The following CDHR3 variants were observed in gnomAD, a reference collection of about 807,000 sequenced individuals.
CDHR3 encodes the protein cadherin related family member 3, also known as cadherin-related family member 3.
A neutral mutation model predicts 86.6 loss-of-function variants in CDHR3; 79 were observed. The ratio of observed to expected loss-of-function variants is 0.91; its 90% CI spans 0.76 to 1.10. The LOEUF is 1.10. CDHR3 is among the 50% of genes least tolerant of loss of function. The pLI is 0.00. For missense variants in CDHR3, 1,081 were observed against 1,077.6 expected (o/e 1.00, Z -0.04); for synonymous variants, 421 against 402.4 (o/e 1.05, Z -0.55).
At chr7:105,990,436 G>T (rs1831185992) in intron 4 of CDHR3, among the ~76,000 whole-genome samples, 2 of 152,122 alleles carry the variant, frequency 1.3e-5, no homozygotes, top group Admixed American at 1.3e-4. Flanking sequence ...CTGAGACGAG[G>T]GTGGAATAGG....
At chr7:105,998,059 G>T (rs1832542052) in intron 6 of CDHR3, among the ~76,000 whole-genome samples, 1 of 152,086 alleles carries the variant, frequency 6.6e-6, no homozygotes, top group Admixed American at 6.5e-5. Flanking sequence ...GGCTGCCCAG[G>T]CTTGGCTCAG....
At chr7:105,987,515 T>G (rs1029713364) in intron 4 of CDHR3, among the ~76,000 whole-genome samples, 13 of 152,188 alleles carry the variant, frequency 8.5e-5, no homozygotes, top group Non-Finnish European at 1.6e-4. Context: ...TAGAAGCAAA[T>G]GACATCGTTA....
chr7:106,023,394 G>A (rs1334306285), intron 14 of CDHR3, among the ~76,000 whole-genome samples: 1 of 152,220 alleles, frequency 6.6e-6, no homozygotes, highest in Non-Finnish European at 1.5e-5. Flanking sequence ...CTGTGGGAAA[G>A]GGTAGGAAGA....
chr7:106,004,534 G>C lies in CDHR3; in HGVS notation c.899G>C (p.Arg300Pro). 1 of 1,613,988 alleles carries C rather than the reference G, an allele frequency of 6.2e-7. No individual in the cohort carries two copies. Among genetic ancestry groups the C allele is most frequent in the Non-Finnish European group, 8.5e-7 (1 of 1,179,866 alleles). Residue 300 changes from arginine (R) to proline (P), a missense_variant, in exon 8 of 19, where the codon CGA (arginine) becomes CCA (proline). By Grantham distance (103) the Arg-to-Pro change is moderately radical (BLOSUM62 -2). Coordinates refer to ENST00000317716, the MANE Select transcript of CDHR3 (RefSeq NM_152750.5). Reference protein sequence around the residue: ...GTIQVAQRIDRDAGELRQNPT... With the variant: ...GTIQVAQRIDPDAGELRQNPT... Reference sequence around the variant, plus strand: ...ATCCAAGTGGCCCAAAGGATAGACCGAGATGCAGGTGAATTGAGACAAAAT... The same window carrying C: ...ATCCAAGTGGCCCAAAGGATAGACCCAGATGCAGGTGAATTGAGACAAAAT...
rs1203932090 is a variant in CDHR3, at chr7:105,974,844, G to C, written c.47G>C (p.Gly16Ala). 4.3e-6 allele frequency: 7 copies of C among 1,612,652 alleles called. No homozygotes were observed. The East Asian group carries it at 6.7e-5, about 15-fold the overall frequency. Residue 16 changes from glycine to alanine, a missense_variant and splice_region_variant, in exon 2 of 19, where the codon GGG (glycine) becomes GCG (alanine). Physicochemically the swap from Gly to Ala is moderately conservative, Grantham distance 60 (BLOSUM62 0). Transcript: ENST00000317716. ...ATCCTGCACCCTTTTTACTCCACAG[G>C]GGGAGAAGCACTACACCTAATCCTC... Reference protein sequence around the residue: ...ILLALLGAMSGGEALHLILLP... With the variant: ...ILLALLGAMSAGEALHLILLP...
chr7:106,027,851 A>T (rs1475097284), intron 16 of CDHR3, among the ~76,000 whole-genome samples: 1 of 152,086 alleles, frequency 6.6e-6, no homozygotes, highest in Non-Finnish European at 1.5e-5. Context: ...GGGGCTGGGC[A>T]TGGTGGCTCA....
chr7:106,012,996 T>G lies in CDHR3; in HGVS notation c.1189T>G (p.Phe397Val), dbSNP rs1225109526. ...MPSGVGSGSR[F>V]LQDPAGSGKI... ...ATCTGGAGTGGGGAGCGGCAGCAGA[T>G]TTTTACAGGATCCAGCTGGCTCTGG... The change falls in exon 9 of 19, where the codon TTT becomes GTT. Residue 397 changes from phenylalanine to valine, a missense_variant. Transcript: ENST00000317716. 6.2e-7 allele frequency: 1 copy of G among 1,611,740 alleles called. No individual in the cohort carries two copies. Among genetic ancestry groups the G allele is most frequent in the East Asian group, 2.2e-5 (1 of 44,800 alleles).
At chr7:105,980,905 GTGCA>G in intron 2 of CDHR3, 59 bp from the exon 3 acceptor site, 1 of 1,445,772 alleles carries the variant, frequency 6.9e-7, no homozygotes, top group Non-Finnish European at 9.5e-7. Context: ...CCTTTGCAAA[GTGCA>G]TGCATGCAAA....
rs1470975162 is a variant in CDHR3, at chr7:105,975,033, G to A, written c.236G>A (p.Gly79Asp). The stretch of plus-strand genomic sequence containing the variant: ...GCTTTTAGGGTGAATTGGCTGTCAG[G>A]CACCTACTTTGAGGTAAGTAACAAC... Reference protein sequence around the residue: ...TEAFRVNWLSGTYFEVVTTGM... With the variant: ...TEAFRVNWLSDTYFEVVTTGM... The change falls in exon 2 of 19, where the codon GGC becomes GAC. Residue 79 changes from glycine to aspartate, a missense_variant. Coordinates refer to ENST00000317716, the MANE Select transcript of CDHR3 (RefSeq NM_152750.5). The A allele has an allele frequency of 6.2e-7, 1 of 1,613,672 alleles. No individual in the cohort carries two copies. Among genetic ancestry groups the A allele is most frequent in the Non-Finnish European group, 8.5e-7 (1 of 1,179,616 alleles).
intron 8 of CDHR3, among the ~76,000 whole-genome samples, chr7:106,011,678 G>A (rs1331908029): frequency 6.6e-6 from 1 of 152,244 alleles, no homozygotes; most frequent in Admixed American, 6.5e-5. Context: ...TATCATTTAT[G>A]TCCATTTTAT....
Position 105,969,535 on chromosome 7 carries a change from C to T in CDHR3, c.47-5309C>T, listed in dbSNP as rs565139527. On this transcript the variant is annotated intron_variant, in intron 1 of 18. Coordinates refer to ENST00000317716, the MANE Select transcript of CDHR3 (RefSeq NM_152750.5). ...ATTTGCACCTGGTCTCAACGAGGAC[C>T]TTCTGTGGGTTCTGCCGTTGAGGCC... Among the ~76,000 whole-genome samples the T allele has an allele frequency of 2.6e-5, 4 of 152,278 alleles. No individual in the cohort carries two copies. The East Asian group carries it at 7.7e-4, about 29-fold the overall frequency.
At chr7:105,979,556 A>G (rs531814204) in intron 2 of CDHR3, among the ~76,000 whole-genome samples, 40 of 152,280 alleles carry the variant, frequency 2.6e-4, no homozygotes, top group East Asian at 9.6e-4. Flanking sequence ...TTCAGTTTCC[A>G]TAGTAGCTTG....
Position 106,032,735 on chromosome 7 carries a change from C to T in CDHR3, c.*38C>T, listed in dbSNP as rs1455078262. ...GAGGGGCCTGTCAATCACTGAGATGCTGCCTCACCCTAAATTCTATGGGGA... is the reference window on the plus strand; with the variant it reads ...GAGGGGCCTGTCAATCACTGAGATGTTGCCTCACCCTAAATTCTATGGGGA... On this transcript the variant is annotated 3_prime_UTR_variant, in exon 19 of 19. Transcript: ENST00000317716. 9 of 1,557,618 alleles carry T rather than the reference C, an allele frequency of 5.8e-6. No individual in the cohort carries two copies. The highest frequency in any genetic ancestry group is 3.6e-5 in the South Asian group (3 of 82,980).
chr7:106,012,788 C>A (rs1260517004), intron 8 of CDHR3, 72 bp from the exon 9 acceptor site: 16 of 1,486,908 alleles, frequency 1.1e-5, no homozygotes, highest in African/African-American at 1.4e-5. Context: ...GTGTCTAGCC[C>A]AGGGCCCATG....
chr7:106,015,310 C>T, intron 10 of CDHR3, 97 bp downstream of exon 10: 2 of 1,014,154 alleles, frequency 2.0e-6, no homozygotes, highest in Admixed American at 4.2e-5. Context: ...GGTCCCCCTT[C>T]TCACTAGTAC....
rs1175516824 is a variant in CDHR3 at position 106,030,306 on chromosome 7, G to A, written c.2305-486G>A. ...GACACTGCATTGGCCTAGGCAAGGGGAGGCCGCAGGGGAGGGCCAGAGTGC... is the reference window on the plus strand; with the variant it reads ...GACACTGCATTGGCCTAGGCAAGGGAAGGCCGCAGGGGAGGGCCAGAGTGC... On this transcript the variant is annotated intron_variant, in intron 17 of 18. Coordinates refer to ENST00000317716, the MANE Select transcript of CDHR3 (RefSeq NM_152750.5). The surrounding 1 kb of genome is among the most constrained non-coding windows in gnomAD (Gnocchi z 4.8). Among the ~76,000 whole-genome samples, 1 of 152,230 alleles carries A rather than the reference G, an allele frequency of 6.6e-6. No individual in the cohort carries two copies. The highest frequency in any genetic ancestry group is 1.5e-5 in the Non-Finnish European group (1 of 68,026).
At chr7:106,022,515 C>T (rs2115887853) in intron 14 of CDHR3, 67 bp downstream of exon 14, 6 of 1,569,216 alleles carry the variant, frequency 3.8e-6, no homozygotes, top group Non-Finnish European at 5.2e-6. Flanking sequence ...GGACTTCTTT[C>T]CCCGGCCTGG....
intron 1 of CDHR3, among the ~76,000 whole-genome samples, chr7:105,968,487 A>T (rs929869688): frequency 1.3e-5 from 2 of 151,864 alleles, no homozygotes; most frequent in Non-Finnish European, 2.9e-5. Context: ...CAGCCTCCCA[A>T]GTAGCTGGGA....
intron 4 of CDHR3, among the ~76,000 whole-genome samples, chr7:105,987,157 C>T (rs139814792): frequency 2.0e-4 from 30 of 152,108 alleles, no homozygotes; most frequent in South Asian, 1.5e-3. Flanking sequence ...GGAAAGCTGC[C>T]CAGGTAGGAA....
Sources: allele counts gnomAD v4.1 joint callset (sites outside exome capture counted in the v4.1 genomes callset), GRCh38; gene constraint gnomAD v4.1.1; non-coding constraint Gnocchi (gnomAD v3.1); transcripts MANE v1.5; gene names NCBI Gene and HGNC (gene_info 2026-07-23, HGNC 2026-07-21).